GABRB2: variants seen among roughly 807,000 people sequenced by gnomAD.
GABRB2 encodes gamma-aminobutyric acid receptor subunit beta-2.
A neutral mutation model predicts 54.7 loss-of-function variants in GABRB2; 16 were observed. The observed-to-expected ratio is 0.29, with a 90% confidence interval of 0.20 to 0.44. The LOEUF is 0.44. GABRB2 is among the 20% of genes least tolerant of loss of function. The pLI is 1.00. For synonymous variants in GABRB2, 244 were observed against 233.8 expected (o/e 1.04, Z -0.40); for missense variants, 355 against 644.0 (o/e 0.55, Z 4.86).
intron 3 of GABRB2, among the ~76,000 whole-genome samples, chr5:161,499,293 T>C (rs1196075854): frequency 6.6e-6 from 1 of 152,220 alleles, no homozygotes; most frequent in Non-Finnish European, 1.5e-5. Context: ...CCACTTATTG[T>C]GGCTCAAATT....
At chr5:161,406,779 T>A (rs1756359420) in intron 5 of GABRB2, among the ~76,000 whole-genome samples, 1 of 152,054 alleles carries the variant, frequency 6.6e-6, no homozygotes, top group African/African-American at 2.4e-5. Flanking sequence ...GGGCAGTGTG[T>A]AGGACTTTTT....
At chr5:161,348,993 C>T (rs1754392356) in intron 5 of GABRB2, among the ~76,000 whole-genome samples, 1 of 152,086 alleles carries the variant, frequency 6.6e-6, no homozygotes, top group Non-Finnish European at 1.5e-5. Context: ...ATTGCCAACT[C>T]TCTTCATATG....
intron 4 of GABRB2, among the ~76,000 whole-genome samples, chr5:161,422,960 G>C (rs1272128217): frequency 6.6e-6 from 1 of 152,090 alleles, no homozygotes; most frequent in African/African-American, 2.4e-5. Flanking sequence ...CCATCCATAA[G>C]ATCTCTATAA....
chr5:161,480,203 T>C (rs1758720886), intron 3 of GABRB2, among the ~76,000 whole-genome samples: 1 of 151,940 alleles, frequency 6.6e-6, no homozygotes, highest in Admixed American at 6.6e-5. Flanking sequence ...AGTAACAACA[T>C]AGGGGAAAGC....
intron 3 of GABRB2, among the ~76,000 whole-genome samples, chr5:161,469,175 T>G (rs1236263546): frequency 2.6e-5 from 4 of 151,846 alleles, no homozygotes; most frequent in African/African-American, 9.7e-5. Context: ...TTTTTTTAGG[T>G]GTATCATTTC....
At chr5:161,406,116 C>T (rs1307681880) in intron 5 of GABRB2, among the ~76,000 whole-genome samples, 2 of 152,026 alleles carry the variant, frequency 1.3e-5, no homozygotes, top group Non-Finnish European at 2.9e-5. Flanking sequence ...TGATTGCCTT[C>T]CTTGGCCAAT....
At chr5:161,455,964 A>G (rs544044733) in intron 4 of GABRB2, among the ~76,000 whole-genome samples, 12 of 152,328 alleles carry the variant, frequency 7.9e-5, no homozygotes, top group African/African-American at 2.6e-4. Context: ...TAATACCTGA[A>G]GATTTCACTG....
intron 3 of GABRB2, among the ~76,000 whole-genome samples, chr5:161,527,555 G>A (rs1189944949): frequency 3.3e-5 from 5 of 151,198 alleles, no homozygotes; most frequent in Admixed American, 1.3e-4. Context: ...TATTATACAA[G>A]GAAATAAGTC....
chr5:161,380,116 A>G (rs980286313), intron 5 of GABRB2, among the ~76,000 whole-genome samples: 31 of 152,154 alleles, frequency 2.0e-4, no homozygotes, highest in African/African-American at 7.2e-4. Context: ...AGCTTGAAAT[A>G]TGGCCCAGAA....
intron 4 of GABRB2, among the ~76,000 whole-genome samples, chr5:161,428,287 A>ATGTGTGTGTGTGTG (rs1561646509): frequency 1.4e-4 from 18 of 129,024 alleles, no homozygotes; most frequent in African/African-American, 5.2e-4. Context: ...TCAGAGAGTT[A>ATGTGTGTGTGTGTG]CGTGTGTGTG....
chr5:161,538,840 T>C (rs1384680126), intron 3 of GABRB2, among the ~76,000 whole-genome samples: 1 of 151,170 alleles, frequency 6.6e-6, no homozygotes, highest in African/African-American at 2.4e-5. Context: ...AAAAAAAAAG[T>C]AAACACCTAG....
At position 161,399,134 on chromosome 5, in the gene GABRB2, C is replaced by T. The variant is rs149968696; in HGVS notation, c.541+11841G>A. On this transcript the variant is annotated intron_variant, in intron 5 of 9. Coordinates refer to ENST00000393959, the MANE Select transcript of GABRB2 (RefSeq NM_001371727.1). ...CAAGCAAAGAAATGTCCACTGAAAGCGTACACTTCAGTAGGTAGCATTTGA... is the reference window on the plus strand; with the variant it reads ...CAAGCAAAGAAATGTCCACTGAAAGTGTACACTTCAGTAGGTAGCATTTGA... 2.2e-4 allele frequency among the ~76,000 whole-genome samples: 34 copies of T among 152,208 alleles called. No homozygotes were observed. In the East Asian group the frequency reaches 5.8e-3, roughly 26 times the overall value.
intron 3 of GABRB2, among the ~76,000 whole-genome samples, chr5:161,525,748 G>A (rs1462580181): frequency 1.3e-5 from 2 of 151,302 alleles, no homozygotes; most frequent in Non-Finnish European, 3.0e-5. Flanking sequence ...ACTGACACAA[G>A]TGGCATTGTT....
At chr5:161,509,673 T>C (rs1759706897) in intron 3 of GABRB2, among the ~76,000 whole-genome samples, 1 of 151,886 alleles carries the variant, frequency 6.6e-6, no homozygotes. Context: ...CAAGGAGTAA[T>C]ACTCGAGATA....
intron 4 of GABRB2, among the ~76,000 whole-genome samples, chr5:161,448,652 A>G (rs1259335563): frequency 6.6e-6 from 1 of 152,172 alleles, no homozygotes; most frequent in African/African-American, 2.4e-5. Context: ...ACTTAAAAAC[A>G]TGGTTGTATA....
chr5:161,370,937 C>A (rs962014395), intron 5 of GABRB2, among the ~76,000 whole-genome samples: 2 of 152,228 alleles, frequency 1.3e-5, no homozygotes, highest in East Asian at 1.9e-4. Context: ...TCCCAGAGAG[C>A]AAGAAATAAT....
At chr5:161,296,226 T>C (rs1757377263) in intron 9 of GABRB2, among the ~76,000 whole-genome samples, 1 of 152,196 alleles carries the variant, frequency 6.6e-6, no homozygotes, top group Non-Finnish European at 1.5e-5. Flanking sequence ...CTGATGGAAA[T>C]GGGACACCTA....
chr5:161,314,683 C>T (rs1398695829), intron 9 of GABRB2, among the ~76,000 whole-genome samples: 2 of 152,010 alleles, frequency 1.3e-5, no homozygotes, highest in Non-Finnish European at 2.9e-5. Context: ...CTCTTTCTCT[C>T]TCCCCCCTCT....
intron 4 of GABRB2, among the ~76,000 whole-genome samples, chr5:161,444,755 A>G (rs1757568580): frequency 2.0e-5 from 3 of 152,186 alleles, no homozygotes; most frequent in Admixed American, 2.0e-4. Flanking sequence ...GTTTTCTACT[A>G]GATGGGACAA....
Sources: gnomAD v4.1 joint callset for allele counts (sites outside exome capture counted in the v4.1 genomes callset) on GRCh38, gnomAD v4.1.1 for gene constraint, MANE v1.5 for transcripts, NCBI Gene and HGNC (gene_info 2026-07-23, HGNC 2026-07-21) for gene names.